Variants in DNAH14 observed in about 807,000 individuals in gnomAD.
DNAH14 encodes the protein axonemal beta dynein heavy chain 14.
Under a neutral mutation model 520.9 loss-of-function variants are expected in DNAH14, and 478 were observed. The observed-to-expected ratio is 0.92, with a 90% CI of 0.85 to 0.99. DNAH14 has a LOEUF of 0.99. DNAH14 is among the 50% of genes least tolerant of loss of function. The pLI is 0.00. For synonymous variants in DNAH14, 1,581 were observed against 1,757.2 expected (o/e 0.90, Z 2.51); for missense variants, 4,831 against 5,234.5 (o/e 0.92, Z 2.38).
chr1:225,149,420 T>G (rs549442625), intron 31 of DNAH14, among the ~76,000 whole-genome samples: 1 of 152,342 alleles, frequency 6.6e-6, no homozygotes, highest in South Asian at 2.1e-4. Flanking sequence ...AGACTCATTT[T>G]TGTTTCATAT....
Position 225,091,468 on chromosome 1 carries a change from T to C in DNAH14, c.3574-5650T>C, listed in dbSNP as rs79939935. On this transcript the variant is annotated intron_variant, in intron 21 of 85. Transcript: ENST00000682510. ...ATAGAAATTCCAACCAATATTTTCATATCCAGCCAAATTAGATTTCATAAG... is the reference window on the plus strand; with the variant it reads ...ATAGAAATTCCAACCAATATTTTCACATCCAGCCAAATTAGATTTCATAAG... Among the ~76,000 whole-genome samples, 585 of 152,286 alleles carry C rather than the reference T, an allele frequency of 3.8e-3. 4 individuals are homozygous for C. The highest frequency in any genetic ancestry group is 0.013 in the African/African-American group (554 of 41,564).
At chr1:225,322,017 A>C (rs2150204692) in intron 61 of DNAH14, among the ~76,000 whole-genome samples, 1 of 151,456 alleles carries the variant, frequency 6.6e-6, no homozygotes, top group African/African-American at 2.4e-5. Flanking sequence ...TCAACCCTGG[A>C]CTGAAACAAG....
intron 55 of DNAH14, among the ~76,000 whole-genome samples, chr1:225,290,655 A>G (rs1215373304): frequency 4.6e-3 from 210 of 45,834 alleles, no homozygotes; most frequent in Middle Eastern, 0.02. Context: ...GTGTATATAT[A>G]TATATATATA....
intron 5 of DNAH14, among the ~76,000 whole-genome samples, chr1:224,965,857 G>A (rs1301240759): frequency 6.6e-6 from 1 of 152,080 alleles, no homozygotes; most frequent in Admixed American, 6.6e-5. Context: ...CAAAACCATA[G>A]CTGTACATGG....
At chr1:225,255,831 G>C (rs1418798144) in intron 44 of DNAH14, among the ~76,000 whole-genome samples, 2 of 151,962 alleles carry the variant, frequency 1.3e-5, no homozygotes, top group Non-Finnish European at 2.9e-5. Context: ...TAAAAAGAAA[G>C]ATAGAAAATA....
intron 69 of DNAH14, among the ~76,000 whole-genome samples, chr1:225,341,102 TTTTC>T (rs1189313277): frequency 1.3e-5 from 2 of 152,264 alleles, no homozygotes; most frequent in South Asian, 2.1e-4. Context: ...TTTATTTTAT[TTTTC>T]TTTATTTTTT....
In DNAH14 at chr1:225,374,777, C is replaced by CCG; in HGVS notation, c.12408_12409insCG (p.Gly4137ArgfsTer5). The CCG allele has an allele frequency of 6.4e-7, 1 of 1,551,496 alleles. No individual in the cohort carries two copies. Among genetic ancestry groups the CCG allele is most frequent in the Middle Eastern group, 1.7e-4 (1 of 5,992 alleles). On this transcript the variant is annotated frameshift_variant, in exon 78 of 86. Coordinates refer to ENST00000682510, the MANE Select transcript of DNAH14 (RefSeq NM_001367479.1). LOFTEE classifies it high-confidence loss of function. Reference sequence around the variant, plus strand: ...GCTACCTGATTGGAGAAGTGATTTACGGTGGCCGGGTGATTGATAATTGGG... The same window carrying CCG: ...GCTACCTGATTGGAGAAGTGATTTACCGGGTGGCCGGGTGATTGATAATTGGG...
intron 63 of DNAH14, 38 bp downstream of exon 63, chr1:225,324,391 A>G: frequency 6.5e-7 from 1 of 1,540,348 alleles, no homozygotes; most frequent in Non-Finnish European, 8.8e-7. Context: ...ATGATTTGGA[A>G]GTGGCACATC....
At chr1:225,013,186 C>T (rs1019280451) in intron 10 of DNAH14, among the ~76,000 whole-genome samples, 1 of 151,850 alleles carries the variant, frequency 6.6e-6, no homozygotes, top group African/African-American at 2.4e-5. Flanking sequence ...GATTCCATTG[C>T]TTTCTGTTTG....
chr1:225,179,535 A>G (rs958335384), intron 36 of DNAH14, among the ~76,000 whole-genome samples: 5 of 152,182 alleles, frequency 3.3e-5, no homozygotes, highest in Non-Finnish European at 7.3e-5. Context: ...CAACTTGTGG[A>G]TATCTCTATT....
At chr1:225,097,707 G>C (rs936827164) in intron 22 of DNAH14, among the ~76,000 whole-genome samples, 2 of 151,966 alleles carry the variant, frequency 1.3e-5, no homozygotes, top group Non-Finnish European at 2.9e-5. Context: ...CTGGGAGGTG[G>C]AGGATGCAGT....
intron 73 of DNAH14, chr1:225,357,791 G>C (rs2095447298): frequency 1.4e-6 from 1 of 702,070 alleles, no homozygotes; most frequent in Non-Finnish European, 2.6e-6. Context: ...TGTAGCTTCA[G>C]TTTTGCTTTA....
At chr1:225,094,586 C>T (rs942432894) in intron 21 of DNAH14, among the ~76,000 whole-genome samples, 4 of 143,902 alleles carry the variant, frequency 2.8e-5, no homozygotes, top group African/African-American at 1.0e-4. Context: ...AACAAAGTCA[C>T]CAAAAGCAAT....
intron 34 of DNAH14, among the ~76,000 whole-genome samples, chr1:225,154,448 C>A (rs528652156): frequency 1.4e-4 from 22 of 151,958 alleles, no homozygotes; most frequent in Non-Finnish European, 2.8e-4. Context: ...GGGAGATATC[C>A]CTTTATGTAT....
intron 17 of DNAH14, among the ~76,000 whole-genome samples, chr1:225,066,349 T>C (rs2070882084): frequency 6.6e-6 from 1 of 152,194 alleles, no homozygotes; most frequent in South Asian, 2.1e-4. Flanking sequence ...TGTAATCCTA[T>C]TCATCTCATT....
chr1:225,016,580 C>T (rs2065232474), intron 10 of DNAH14, among the ~76,000 whole-genome samples: 1 of 152,108 alleles, frequency 6.6e-6, no homozygotes, highest in African/African-American at 2.4e-5. Context: ...CCTGGATGTT[C>T]ATTTCTCTTC....
Position 225,273,124 on chromosome 1 carries a change from AGGT to A in DNAH14, c.8010_8010+2del. ...TCAAGGGAACTTGAGAACTGTTTTC[AGGT>A]AAATTTATATTTTAAAAATTATTGG... On this transcript the variant is annotated splice_donor_variant and coding_sequence_variant, in exon 52 of 86. Transcript: ENST00000682510. LOFTEE classifies it high-confidence loss of function. The A allele has an allele frequency of 6.5e-7, 1 of 1,546,886 alleles. No homozygotes were observed.
At chr1:224,996,241 T>G (rs1235220686) in intron 8 of DNAH14, among the ~76,000 whole-genome samples, 1 of 151,982 alleles carries the variant, frequency 6.6e-6, no homozygotes, top group Non-Finnish European at 1.5e-5. Context: ...CACTACAGTC[T>G]CAACCTCCTG....
intron 84 of DNAH14, among the ~76,000 whole-genome samples, chr1:225,393,490 G>A (rs2095950077): frequency 6.6e-6 from 1 of 152,198 alleles, no homozygotes; most frequent in Admixed American, 6.5e-5. Context: ...ACATAGAAAT[G>A]CATGGATGCA....
Sources: gnomAD v4.1 joint callset for allele counts (sites outside exome capture counted in the v4.1 genomes callset) on GRCh38, gnomAD v4.1.1 for gene constraint, MANE v1.5 for transcripts, NCBI Gene and HGNC (gene_info 2026-07-23, HGNC 2026-07-21) for gene names.